RANBP17: variants seen among roughly 807,000 people sequenced by gnomAD.
RANBP17 encodes ran-binding protein 17.
Under a neutral mutation model 141.2 loss-of-function variants are expected in RANBP17, and 158 were observed. That is an observed-to-expected ratio of 1.12 (90% CI 0.98 to 1.28). RANBP17 has a LOEUF of 1.28. RANBP17 is among the 50% of genes most tolerant of loss of function. The pLI, the probability that RANBP17 is intolerant of heterozygous loss-of-function variation, is 0.00. For missense variants in RANBP17, 1,438 were observed against 1,290.7 expected, an observed-to-expected ratio of 1.11 and a Z score of -1.75; for synonymous variants, 430 against 450.0, an observed-to-expected ratio of 0.96 and a Z score of 0.56.
intron 14 of RANBP17, among the ~76,000 whole-genome samples, chr5:171,090,093 C>T (rs1030951846): frequency 1.3e-5 from 2 of 152,172 alleles, no homozygotes; most frequent in South Asian, 2.1e-4. Flanking sequence ...AACTGGGTAA[C>T]AGGCAGAGAC....
intron 10 of RANBP17, 116 bp from the exon 11 acceptor site, chr5:170,919,325 G>GT (rs1315320153): frequency 2.7e-6 from 2 of 753,234 alleles, no homozygotes; most frequent in African/African-American, 3.5e-5. Context: ...GTGTTCATTA[G>GT]TTTTATAGTA....
intron 14 of RANBP17, among the ~76,000 whole-genome samples, chr5:171,069,018 A>G (rs1784481944): frequency 6.6e-6 from 1 of 152,184 alleles, no homozygotes; most frequent in Admixed American, 6.5e-5. Flanking sequence ...GTGGTCACTG[A>G]GGTCTCTATT....
intron 12 of RANBP17, among the ~76,000 whole-genome samples, chr5:170,948,324 G>GA: frequency 6.6e-6 from 1 of 152,050 alleles, no homozygotes; most frequent in East Asian, 1.9e-4. Context: ...AAGAGAGAGT[G>GA]AAAAAATGGC....
intron 5 of RANBP17, chr5:170,903,871 C>A: frequency 4.1e-6 from 2 of 486,962 alleles, no homozygotes; most frequent in Non-Finnish European, 8.1e-6. Flanking sequence ...TTTGAAGGGT[C>A]CCTTAATAAG....
At chr5:171,210,547 G>A (rs1762819218) in intron 20 of RANBP17, among the ~76,000 whole-genome samples, 1 of 152,100 alleles carries the variant, frequency 6.6e-6, no homozygotes, top group African/African-American at 2.4e-5. Context: ...TTTCTCATGA[G>A]CCTTCCAGAT....
intron 5 of RANBP17, among the ~76,000 whole-genome samples, chr5:170,899,230 C>T (rs1770407770): frequency 6.6e-6 from 1 of 152,076 alleles, no homozygotes; most frequent in Non-Finnish European, 1.5e-5. Flanking sequence ...TGAAGAGGTC[C>T]TTTACATCCC....
intron 14 of RANBP17, among the ~76,000 whole-genome samples, chr5:171,067,355 CAT>C (rs1414345626): frequency 2.6e-5 from 4 of 152,082 alleles, no homozygotes; most frequent in South Asian, 2.1e-4. Context: ...TTCTTGTTAA[CAT>C]ATATTTACAG....
intron 14 of RANBP17, chr5:170,983,201 C>T: frequency 2.4e-6 from 1 of 424,756 alleles, no homozygotes; most frequent in South Asian, 2.3e-5. Flanking sequence ...AACAGCTGTG[C>T]CTCAGGCCTT....
chr5:171,083,064 A>G (rs908830035), intron 14 of RANBP17, among the ~76,000 whole-genome samples: 1 of 152,060 alleles, frequency 6.6e-6, no homozygotes, highest in Non-Finnish European at 1.5e-5. Flanking sequence ...AATTTAATTC[A>G]TTTTCTTTTC....
intron 14 of RANBP17, among the ~76,000 whole-genome samples, chr5:171,008,371 G>C (rs1000500267): frequency 1.3e-5 from 2 of 152,176 alleles, no homozygotes; most frequent in Non-Finnish European, 2.9e-5. Context: ...CAGGGGACTG[G>C]TCTCCCAAAG....
chr5:171,285,105 T>C (rs1245030443), intron 25 of RANBP17, among the ~76,000 whole-genome samples: 1 of 152,242 alleles, frequency 6.6e-6, no homozygotes, highest in African/African-American at 2.4e-5. Flanking sequence ...CATGCCAAGC[T>C]CTGTCTCCAG....
intron 21 of RANBP17, among the ~76,000 whole-genome samples, chr5:171,218,184 A>G (rs182958780): frequency 1.3e-5 from 2 of 152,114 alleles, no homozygotes; most frequent in Non-Finnish European, 2.9e-5. Context: ...TTCAGTTTCC[A>G]TGTAGTTGTG....
intron 13 of RANBP17, among the ~76,000 whole-genome samples, chr5:170,961,180 T>A (rs542608018): frequency 1.1e-4 from 16 of 152,342 alleles, no homozygotes; most frequent in African/African-American, 3.8e-4. Flanking sequence ...GCTTCTTTTA[T>A]CTTCCTCTTG....
At chr5:171,145,286 A>G (rs1419927336) in intron 14 of RANBP17, among the ~76,000 whole-genome samples, 1 of 152,138 alleles carries the variant, frequency 6.6e-6, no homozygotes, top group Non-Finnish European at 1.5e-5. Flanking sequence ...CTCCAGACTC[A>G]ATCAGAATTC....
intron 14 of RANBP17, among the ~76,000 whole-genome samples, chr5:171,005,732 G>A (rs370269352): frequency 3.3e-4 from 50 of 152,144 alleles, no homozygotes; most frequent in Admixed American, 2.7e-3. Context: ...ACAAAAGCCA[G>A]AATTGACAAA....
chr5:171,029,133 CATTT>C (rs1317483656), intron 14 of RANBP17: 2 of 240,864 alleles, frequency 8.3e-6, no homozygotes, highest in East Asian at 1.9e-4. Context: ...TTTATCTATT[CATTT>C]ATTCTAGGAT....
chr5:171,265,612 G>A (rs1289723833), intron 24 of RANBP17, 69 bp from the exon 25 acceptor site: 24 of 1,302,424 alleles, frequency 1.8e-5, no homozygotes, highest in Non-Finnish European at 2.3e-5. Flanking sequence ...TTTTAATGGA[G>A]CCGTTAGAAA....
chr5:171,046,530 A>G (rs1190150412), intron 14 of RANBP17, among the ~76,000 whole-genome samples: 1 of 152,062 alleles, frequency 6.6e-6, no homozygotes, highest in East Asian at 1.9e-4. Flanking sequence ...TAATGGCTGC[A>G]TTGTAATTTT....
At chr5:171,017,151 A>G (rs1244665635) in intron 14 of RANBP17, among the ~76,000 whole-genome samples, 1 of 152,100 alleles carries the variant, frequency 6.6e-6, no homozygotes, top group Admixed American at 6.6e-5. Flanking sequence ...TATCCAGTCT[A>G]TCATTGATGG....
Sources: gnomAD v4.1 joint callset for allele counts (sites outside exome capture counted in the v4.1 genomes callset) on GRCh38, gnomAD v4.1.1 for gene constraint, MANE v1.5 for transcripts, NCBI Gene and HGNC (gene_info 2026-07-23, HGNC 2026-07-21) for gene names.